Variants in KCNK2 observed in about 807,000 individuals in gnomAD.
KCNK2 encodes potassium channel subfamily K member 2.
A neutral mutation model predicts 40.5 loss-of-function variants in KCNK2; 21 were observed. The ratio of observed to expected loss-of-function variants is 0.52; its 90% CI spans 0.37 to 0.75. KCNK2 has a LOEUF of 0.75. Among genes scored for constraint, KCNK2 ranks in the 30% least tolerant of loss-of-function variants. KCNK2 has a pLI of 0.00. For missense variants in KCNK2, 399 were observed against 531.6 expected, an observed-to-expected ratio of 0.75 and a Z score of 2.45; for synonymous variants, 191 against 202.2, an observed-to-expected ratio of 0.94 and a Z score of 0.47.
chr1:215,099,461 G>A (rs1476200192), intron 2 of KCNK2, among the ~76,000 whole-genome samples: 1 of 151,938 alleles, frequency 6.6e-6, no homozygotes, highest in African/African-American at 2.4e-5. Flanking sequence ...TCAGTCTACA[G>A]TAATGTTGAG....
intron 6 of KCNK2, among the ~76,000 whole-genome samples, chr1:215,210,408 G>A (rs1377308819): frequency 6.6e-6 from 1 of 151,970 alleles, no homozygotes; most frequent in Non-Finnish European, 1.5e-5. Flanking sequence ...GCTTCATGAA[G>A]TGCAGTATGC....
At chr1:215,197,515 C>A (rs1664913137) in intron 6 of KCNK2, among the ~76,000 whole-genome samples, 2 of 152,142 alleles carry the variant, frequency 1.3e-5, no homozygotes, top group African/African-American at 4.8e-5. Flanking sequence ...TAAAAGGACA[C>A]CAGTCCTATC....
At chr1:215,070,837 T>C (rs1019849824) in intron 1 of KCNK2, among the ~76,000 whole-genome samples, 7 of 152,112 alleles carry the variant, frequency 4.6e-5, no homozygotes, top group Non-Finnish European at 1.0e-4. Flanking sequence ...GCATAAAAGA[T>C]GCTATGAGCA....
intron 6 of KCNK2, among the ~76,000 whole-genome samples, chr1:215,219,136 T>C (rs976954636): frequency 2.0e-5 from 3 of 152,224 alleles, no homozygotes; most frequent in African/African-American, 7.2e-5. Context: ...TAGATCTGGA[T>C]GAAAGAAGTA....
intron 1 of KCNK2, among the ~76,000 whole-genome samples, chr1:215,060,805 G>C (rs149134575): frequency 6.6e-6 from 1 of 151,820 alleles, no homozygotes; most frequent in African/African-American, 2.4e-5. Flanking sequence ...TGGTTTCTTA[G>C]GTACATCATT....
intron 1 of KCNK2, among the ~76,000 whole-genome samples, chr1:215,058,033 G>T (rs897424983): frequency 2.6e-5 from 4 of 152,110 alleles, no homozygotes; most frequent in African/African-American, 9.7e-5. Context: ...TGGAGAAGCA[G>T]CCCCAGGAAT....
chr1:215,235,837 C>T lies in KCNK2; in HGVS notation c.*692C>T, dbSNP rs1476597144. On this transcript the variant is annotated 3_prime_UTR_variant, in exon 7 of 7. Transcript: ENST00000444842. Reference sequence around the variant, plus strand: ...ACATTGAAGCAACACTCAGCGTTGCCTAGCGTTAAAGGCACTGCAGAGAAA... The same window carrying T: ...ACATTGAAGCAACACTCAGCGTTGCTTAGCGTTAAAGGCACTGCAGAGAAA... The T allele has an allele frequency of 2.0e-5, 3 of 152,570 alleles. No individual in the cohort carries two copies. Among genetic ancestry groups the T allele is most frequent in the African/African-American group, 7.2e-5 (3 of 41,406 alleles). The allele number at this position is 152,570 out of a possible 1,614,324, so 9.5% of individuals were successfully genotyped here.
intron 1 of KCNK2, among the ~76,000 whole-genome samples, chr1:215,037,042 C>T (rs1442146489): frequency 7.6e-6 from 1 of 130,998 alleles, no homozygotes; most frequent in African/African-American, 2.9e-5. Context: ...GCTAAAATCC[C>T]AGTCCAATAT....
At chr1:215,230,486 C>T (rs1293093772) in intron 6 of KCNK2, among the ~76,000 whole-genome samples, 10 of 130,086 alleles carry the variant, frequency 7.7e-5, no homozygotes, top group South Asian at 5.3e-4. Flanking sequence ...TATACACACA[C>T]ACACACACAC....
At chr1:215,203,101 C>CG (rs1414463799) in intron 6 of KCNK2, among the ~76,000 whole-genome samples, 2 of 152,240 alleles carry the variant, frequency 1.3e-5, no homozygotes, top group East Asian at 3.9e-4. Flanking sequence ...GTGCCCAAGG[C>CG]TTACCCATCT....
intron 2 of KCNK2, among the ~76,000 whole-genome samples, chr1:215,088,844 A>C (rs1659571940): frequency 1.3e-5 from 2 of 152,294 alleles, no homozygotes; most frequent in African/African-American, 4.8e-5. Flanking sequence ...TAGCTTTATT[A>C]ATTTTCTCTG....
rs145658446 is a variant in KCNK2 at position 215,170,875 on chromosome 1, A to G, written c.637-1122A>G. Among the ~76,000 whole-genome samples, 192 of 152,238 alleles carry G rather than the reference A, an allele frequency of 1.3e-3. 1 individual carries two copies. Among genetic ancestry groups the G allele is most frequent in the African/African-American group, 4.4e-3 (183 of 41,552 alleles). On this transcript the variant is annotated intron_variant, in intron 4 of 6. Transcript: ENST00000444842. Reference sequence around the variant, plus strand: ...GTAATATTTTTTATGTTGCATATATACCAGTGCATAAAAAAAGTTCCATGC... The same window carrying G: ...GTAATATTTTTTATGTTGCATATATGCCAGTGCATAAAAAAAGTTCCATGC...
At chr1:215,121,588 C>T (rs1661191949) in intron 2 of KCNK2, among the ~76,000 whole-genome samples, 1 of 152,104 alleles carries the variant, frequency 6.6e-6, no homozygotes, top group Admixed American at 6.6e-5. Flanking sequence ...GATATTTTCT[C>T]TATAGTACTA....
intron 1 of KCNK2, among the ~76,000 whole-genome samples, chr1:215,018,352 T>TC: frequency 6.6e-6 from 1 of 152,314 alleles, no homozygotes; most frequent in South Asian, 2.1e-4. Context: ...ACATCTTACA[T>TC]TAGATAGTAA....
intron 1 of KCNK2, among the ~76,000 whole-genome samples, chr1:215,009,525 A>T (rs958892173): frequency 2.2e-4 from 33 of 152,140 alleles, no homozygotes; most frequent in Non-Finnish European, 4.3e-4. Flanking sequence ...GCATAATGTG[A>T]ATAATAAACC....
At chr1:215,090,492 C>T (rs1010666966) in intron 2 of KCNK2, among the ~76,000 whole-genome samples, 1 of 152,130 alleles carries the variant, frequency 6.6e-6, no homozygotes, top group South Asian at 2.1e-4. Flanking sequence ...TATAGCATAT[C>T]TTTCTTTCCA....
intron 6 of KCNK2, among the ~76,000 whole-genome samples, chr1:215,216,849 C>T (rs1008669033): frequency 1.3e-5 from 2 of 152,062 alleles, no homozygotes; most frequent in East Asian, 3.9e-4. Flanking sequence ...ACCCAGGAGC[C>T]ACAATGGCAG....
Position 215,236,178 on chromosome 1 carries a change from G to A in KCNK2, c.*1033G>A, listed in dbSNP as rs1295923614. On this transcript the variant is annotated 3_prime_UTR_variant, in exon 7 of 7. Transcript: ENST00000444842. The stretch of plus-strand genomic sequence containing the variant: ...AACAGTGGGTGTGAATTATCATTCT[G>A]ATGGAAAGAAAATAGCAAAACAATG... 1 of 152,216 alleles carries A rather than the reference G, an allele frequency of 6.6e-6. No individual in the cohort carries two copies. The highest frequency in any genetic ancestry group is 1.5e-5 in the Non-Finnish European group (1 of 68,026). 9.4% of individuals were successfully genotyped at this position (152,216 alleles called of 1,614,324 possible).
rs759906872 is a variant in KCNK2 at position 215,083,449 on chromosome 1, G to C, written c.46+18G>C. Reference sequence around the variant, plus strand: ...AGCAGGAGGTGAGACCCCCCCTCCGGTACCCCCACCCCTCTGGCCGCACGC... The same window carrying C: ...AGCAGGAGGTGAGACCCCCCCTCCGCTACCCCCACCCCTCTGGCCGCACGC... On this transcript the variant is annotated intron_variant, in intron 1 of 6. Transcript: ENST00000444842. The C allele has an allele frequency of 4.4e-6, 7 of 1,581,340 alleles. No individual in the cohort carries two copies. The highest frequency in any genetic ancestry group is 1.7e-5 in the Admixed American group (1 of 59,950).
Sources: allele counts gnomAD v4.1 joint callset (sites outside exome capture counted in the v4.1 genomes callset), GRCh38; gene constraint gnomAD v4.1.1; transcripts MANE v1.5; gene names NCBI Gene and HGNC (gene_info 2026-07-23, HGNC 2026-07-21).